The following NDST3 variants were observed in gnomAD, a reference collection of about 807,000 sequenced individuals.
The protein encoded by NDST3 is N-deacetylase and N-sulfotransferase 3.
NDST3 carries 58 observed loss-of-function variants against 96.1 expected under a neutral mutation model. The observed-to-expected ratio is 0.60, with a 90% confidence interval of 0.49 to 0.75. The LOEUF (loss-of-function observed/expected upper bound fraction) is 0.75. NDST3 is among the 30% of genes least tolerant of loss of function. The pLI is 0.00. For synonymous variants in NDST3, 333 were observed against 359.7 expected, an observed-to-expected ratio of 0.93 and a Z score of 0.84; for missense variants, 788 against 1,034.2, an observed-to-expected ratio of 0.76 and a Z score of 3.27.
chr4:118,146,411 G>T (rs1221263115), intron 6 of NDST3, among the ~76,000 whole-genome samples: 1 of 152,064 alleles, frequency 6.6e-6, no homozygotes, highest in African/African-American at 2.4e-5. Flanking sequence ...AATATAAACA[G>T]GACTTTAATT....
At chr4:118,065,217 T>A (rs1726211533) in intron 2 of NDST3, among the ~76,000 whole-genome samples, 1 of 152,134 alleles carries the variant, frequency 6.6e-6, no homozygotes. Flanking sequence ...CTACAATTCT[T>A]ACAACGACTC....
At chr4:118,048,323 T>C (rs1724884136) in intron 1 of NDST3, among the ~76,000 whole-genome samples, 1 of 150,730 alleles carries the variant, frequency 6.6e-6, no homozygotes, top group Non-Finnish European at 1.5e-5. Flanking sequence ...GACAATCAAG[T>C]CTTCATAACA....
chr4:118,192,743 T>C (rs895491154), intron 6 of NDST3, among the ~76,000 whole-genome samples: 5 of 152,124 alleles, frequency 3.3e-5, no homozygotes, highest in African/African-American at 1.2e-4. Context: ...TGTTTCCACT[T>C]TATTGCTCTA....
In NDST3 at chr4:118,148,453, G is replaced by C. The variant is rs1341487133; in HGVS notation, c.1539+4769G>C. ...GCACGCATTTTATTAAATGCTTTTT[G>C]TCTCTCTGTTTCTCAATTTGATATA... On this transcript the variant is annotated intron_variant, in intron 6 of 13. Coordinates refer to ENST00000296499, the MANE Select transcript of NDST3 (RefSeq NM_004784.3). Among the ~76,000 whole-genome samples the C allele has an allele frequency of 5.9e-5, 9 of 152,090 alleles. No homozygotes were observed. In the East Asian group the frequency reaches 1.7e-3, roughly 30 times the overall value.
At chr4:118,075,410 C>A (rs952365875) in intron 2 of NDST3, among the ~76,000 whole-genome samples, 4 of 152,294 alleles carry the variant, frequency 2.6e-5, no homozygotes, top group East Asian at 3.9e-4. Flanking sequence ...TGGGTATATA[C>A]CCAGTAATGG....
intron 2 of NDST3, among the ~76,000 whole-genome samples, chr4:118,065,960 A>C (rs944379003): frequency 2.7e-5 from 4 of 147,380 alleles, no homozygotes; most frequent in African/African-American, 1.0e-4. Flanking sequence ...GGAAAGAAAA[A>C]TATTGCGTGT....
intron 6 of NDST3, among the ~76,000 whole-genome samples, chr4:118,188,643 T>A (rs1016455189): frequency 6.6e-6 from 1 of 152,196 alleles, no homozygotes; most frequent in African/African-American, 2.4e-5. Context: ...TTCAATTAAT[T>A]TTTGTCTTGC....
At chr4:118,058,622 TGTGTGTGTGTGTGC>T (rs1182661775) in intron 2 of NDST3, among the ~76,000 whole-genome samples, 8 of 48,826 alleles carry the variant, frequency 1.6e-4, no homozygotes, top group African/African-American at 3.2e-4. Flanking sequence ...TGTGTGTGTG[TGTGTGTGTGTGTGC>T]GCGCGCGCGC....
chr4:118,204,973 T>A (rs1738339482), intron 6 of NDST3, among the ~76,000 whole-genome samples: 1 of 144,752 alleles, frequency 6.9e-6, no homozygotes. Flanking sequence ...TGTGTACAAG[T>A]AATTGGCTTA....
intron 6 of NDST3, among the ~76,000 whole-genome samples, chr4:118,152,683 T>C (rs1734477770): frequency 6.6e-6 from 1 of 152,172 alleles, no homozygotes; most frequent in South Asian, 2.1e-4. Context: ...ACAGATGCTT[T>C]TCACATGTCT....
chr4:118,087,667 A>G (rs921922561), intron 2 of NDST3, among the ~76,000 whole-genome samples: 13 of 152,146 alleles, frequency 8.5e-5, no homozygotes, highest in African/African-American at 3.1e-4. Context: ...GCAGGGGGAG[A>G]GAGGATGAGA....
intron 11 of NDST3, among the ~76,000 whole-genome samples, 154 bp downstream of exon 11, chr4:118,240,848 T>A (rs1165716874): frequency 6.6e-6 from 1 of 152,204 alleles, no homozygotes. Flanking sequence ...TAGGCAGAAG[T>A]AGAAAAACTT....
intron 2 of NDST3, among the ~76,000 whole-genome samples, chr4:118,075,283 T>C (rs1727429097): frequency 2.0e-5 from 3 of 152,248 alleles, no homozygotes; most frequent in Admixed American, 1.3e-4. Flanking sequence ...CACAATTTCT[T>C]AATCCAGTCT....
chr4:118,088,123 G>A (rs1728581292), intron 2 of NDST3, among the ~76,000 whole-genome samples: 1 of 151,936 alleles, frequency 6.6e-6, no homozygotes, highest in African/African-American at 2.4e-5. Context: ...TCAAGTAACA[G>A]GAATGACAGA....
At chr4:118,087,093 T>C (rs1224461002) in intron 2 of NDST3, among the ~76,000 whole-genome samples, 1 of 152,130 alleles carries the variant, frequency 6.6e-6, no homozygotes, top group Non-Finnish European at 1.5e-5. Flanking sequence ...TATGGAAATA[T>C]GGGTTTAAAT....
At chr4:118,055,145 C>G in intron 2 of NDST3, 1 of 505,862 alleles carries the variant, frequency 2.0e-6, no homozygotes, top group Non-Finnish European at 3.5e-6. Flanking sequence ...GTATTTACAA[C>G]TAGAGTAGAA....
Position 118,237,182 on chromosome 4 carries a change from C to T in NDST3, c.2080C>T (p.Leu694Phe), listed in dbSNP as rs1740696960. The T allele has an allele frequency of 1.2e-6, 2 of 1,613,298 alleles. No individual in the cohort carries two copies. Among genetic ancestry groups the T allele is most frequent in the African/African-American group, 1.3e-5 (1 of 74,904 alleles). Reference protein sequence around the residue: ...LVPKAKIITILIDPSDRAYSW... With the variant: ...LVPKAKIITIFIDPSDRAYSW... ...TCCCAAAGCCAAGATTATCACCATT[C>T]TCATTGACCCTTCAGACCGAGCATA... The change falls in exon 10 of 14, where the codon CTC becomes TTC. Residue 694 changes from leucine (L) to phenylalanine (F), a missense_variant. This residue lies in a region of NDST3 where 490 missense variants were observed against 708.8 expected (regional missense o/e 0.69). Transcript: ENST00000296499.
At chr4:118,062,495 C>A (rs1200894206) in intron 2 of NDST3, among the ~76,000 whole-genome samples, 2 of 152,008 alleles carry the variant, frequency 1.3e-5, no homozygotes, top group Non-Finnish European at 2.9e-5. Flanking sequence ...GGAATACTTA[C>A]TTATTTCTAC....
At chr4:118,139,719 G>A (rs909654574) in intron 5 of NDST3, among the ~76,000 whole-genome samples, 1 of 152,206 alleles carries the variant, frequency 6.6e-6, no homozygotes, top group Non-Finnish European at 1.5e-5. Context: ...CTTCGAACCG[G>A]CTATTGATTG....
Sources: gnomAD v4.1 joint callset for allele counts (sites outside exome capture counted in the v4.1 genomes callset) on GRCh38, gnomAD v4.1.1 for gene constraint, gnomAD v4.1.1 regional missense constraint, MANE v1.5 for transcripts, NCBI Gene and HGNC (gene_info 2026-07-23, HGNC 2026-07-21) for gene names.